SHC4: variants seen among roughly 807,000 people sequenced by gnomAD.
The protein encoded by SHC4 is SHC adaptor protein 4.
A neutral mutation model predicts 69.4 loss-of-function variants in SHC4; 41 were observed. The observed-to-expected ratio is 0.59, with a 90% CI of 0.46 to 0.77. The LOEUF (loss-of-function observed/expected upper bound fraction) is 0.77, where lower values mean the gene tolerates loss of function less well. SHC4 is among the 30% of genes least tolerant of loss of function. SHC4 has a pLI of 0.00. For synonymous variants in SHC4, 318 were observed against 299.3 expected, an observed-to-expected ratio of 1.06 and a Z score of -0.64; for missense variants, 777 against 783.8, an observed-to-expected ratio of 0.99 and a Z score of 0.10.
chr15:48,946,862 C>T (rs1208382612), intron 1 of SHC4, among the ~76,000 whole-genome samples: 1 of 152,130 alleles, frequency 6.6e-6, no homozygotes, highest in Non-Finnish European at 1.5e-5. Flanking sequence ...AAGTGAACAG[C>T]AGATATCTAT....
At chr15:48,930,913 A>T (rs1900952738) in intron 1 of SHC4, among the ~76,000 whole-genome samples, 1 of 152,228 alleles carries the variant, frequency 6.6e-6, no homozygotes. Context: ...CTCAACTCAC[A>T]ATAGTAAAGT....
Position 48,935,628 on chromosome 15 carries a change from A to C in SHC4, c.586-10679T>G, listed in dbSNP as rs116170526. Among the ~76,000 whole-genome samples the C allele has an allele frequency of 4.3e-3, 653 of 152,238 alleles. 7 individuals are homozygous for C. The highest frequency in any genetic ancestry group is 0.015 in the African/African-American group (641 of 41,536). On this transcript the variant is annotated intron_variant, in intron 1 of 11. Coordinates refer to ENST00000332408, the MANE Select transcript of SHC4 (RefSeq NM_203349.4). ...CCTCCTTGTGCCAGGTTTGAGCTGG[A>C]ATGTGGGTCGTGTAAGAAGGGAATG...
At chr15:48,940,663 G>A (rs890185364) in intron 1 of SHC4, among the ~76,000 whole-genome samples, 7 of 152,132 alleles carry the variant, frequency 4.6e-5, no homozygotes, top group Admixed American at 6.5e-5. Context: ...TCTCCCCAGC[G>A]CTCTAGGACT....
At chr15:48,826,385 A>G (rs1383566757) in intron 11 of SHC4, among the ~76,000 whole-genome samples, 1 of 151,746 alleles carries the variant, frequency 6.6e-6, no homozygotes, top group African/African-American at 2.4e-5. Flanking sequence ...AGTAACTGGG[A>G]CTACAGGCAC....
chr15:48,866,908 A>G (rs1036236080), intron 6 of SHC4, among the ~76,000 whole-genome samples: 1 of 152,220 alleles, frequency 6.6e-6, no homozygotes, highest in Non-Finnish European at 1.5e-5. Flanking sequence ...AGCGTTAGGG[A>G]TGAGAAGCAA....
intron 6 of SHC4, among the ~76,000 whole-genome samples, chr15:48,865,219 C>T (rs898280441): frequency 6.6e-6 from 1 of 152,210 alleles, no homozygotes; most frequent in Admixed American, 6.5e-5. Flanking sequence ...GCTGTGTCAT[C>T]ACCTCTTTGC....
At chr15:48,860,527 A>T (rs1432086652) in intron 6 of SHC4, among the ~76,000 whole-genome samples, 1 of 151,966 alleles carries the variant, frequency 6.6e-6, no homozygotes, top group Non-Finnish European at 1.5e-5. Context: ...TAATAATAAT[A>T]AATAAAAATA....
intron 1 of SHC4, among the ~76,000 whole-genome samples, chr15:48,937,170 A>G (rs1466957029): frequency 1.3e-5 from 2 of 152,232 alleles, no homozygotes; most frequent in Non-Finnish European, 2.9e-5. Flanking sequence ...AAAGTATTAT[A>G]TCATTTGAGC....
At chr15:48,872,278 A>T in intron 4 of SHC4, 136 bp from the exon 5 acceptor site, 1 of 523,938 alleles carries the variant, frequency 1.9e-6, no homozygotes. Context: ...CCCAACCTAC[A>T]CTCTATAATA....
intron 2 of SHC4, among the ~76,000 whole-genome samples, chr15:48,897,154 G>A (rs932894664): frequency 6.6e-6 from 1 of 152,108 alleles, no homozygotes; most frequent in Non-Finnish European, 1.5e-5. Flanking sequence ...AAATTTTGGG[G>A]TTTCAGTGGC....
At chr15:48,871,325 G>T (rs1340567813) in intron 5 of SHC4, among the ~76,000 whole-genome samples, 2 of 152,312 alleles carry the variant, frequency 1.3e-5, no homozygotes, top group Admixed American at 6.5e-5. Flanking sequence ...TGGAAGATTA[G>T]AAGAGGAAAG....
In SHC4 at chr15:48,962,823, G is replaced by A. The variant is rs530682782; in HGVS notation, c.193C>T (p.Pro65Ser). The A allele has an allele frequency of 6.2e-6, 10 of 1,612,678 alleles. No individual in the cohort carries two copies. The East Asian group carries it at 6.7e-5, about 11-fold the overall frequency. The change falls in exon 1 of 12, where the codon CCT becomes TCT. Residue 65 changes from proline (P) to serine (S), a missense_variant. Pro to Ser is a moderately conservative substitution (Grantham distance 74). Coordinates refer to ENST00000332408, the MANE Select transcript of SHC4 (RefSeq NM_203349.4). ...SPQPPHPALA[P>S]HLPTEDATLP... ...GTGGCATCTTCAGTCGGCAGGTGAG[G>A]TGCCAGGGCGGGGTGGGGAGGCTGC... is the stretch of plus-strand genomic sequence containing the variant.
intron 5 of SHC4, among the ~76,000 whole-genome samples, chr15:48,870,009 G>A (rs1899637505): frequency 6.6e-6 from 1 of 152,168 alleles, no homozygotes; most frequent in South Asian, 2.1e-4. Flanking sequence ...TAAGATTCTG[G>A]AGAACAATAA....
intron 1 of SHC4, among the ~76,000 whole-genome samples, chr15:48,930,459 AC>A (rs1229861799): frequency 6.6e-6 from 1 of 152,168 alleles, no homozygotes; most frequent in Non-Finnish European, 1.5e-5. Flanking sequence ...AGTTTAAGGC[AC>A]AGGCCCTGCA....
At chr15:48,826,223 G>T in intron 11 of SHC4, 97 bp from the exon 12 acceptor site, 6 of 1,104,992 alleles carry the variant, frequency 5.4e-6, no homozygotes, top group Non-Finnish European at 7.5e-6. Context: ...TATCCCTAAA[G>T]TAGATACTTT....
chr15:48,869,169 T>C (rs2140991616), intron 5 of SHC4, among the ~76,000 whole-genome samples: 1 of 152,344 alleles, frequency 6.6e-6, no homozygotes, highest in African/African-American at 2.4e-5. Flanking sequence ...TGTTTAAATG[T>C]ATTTAATTTT....
At chr15:48,828,180 T>C (rs1022543957) in intron 11 of SHC4, among the ~76,000 whole-genome samples, 1 of 152,106 alleles carries the variant, frequency 6.6e-6, no homozygotes, top group East Asian at 1.9e-4. Context: ...ACTTAACAGA[T>C]TTTTAAGTGT....
intron 9 of SHC4, among the ~76,000 whole-genome samples, chr15:48,847,008 G>A (rs1899106460): frequency 6.7e-6 from 1 of 148,826 alleles, no homozygotes; most frequent in African/African-American, 2.5e-5. Flanking sequence ...AGAAAGAAAG[G>A]AAACTGCCAT....
At chr15:48,856,231 A>G in intron 7 of SHC4, 107 bp from the exon 8 acceptor site, 2 of 1,081,992 alleles carry the variant, frequency 1.8e-6, no homozygotes, top group Admixed American at 2.4e-5. Flanking sequence ...CTTTGCATTC[A>G]TGTTTTCAGT....
Sources: allele counts gnomAD v4.1 joint callset (sites outside exome capture counted in the v4.1 genomes callset), GRCh38; gene constraint gnomAD v4.1.1; transcripts MANE v1.5; gene names NCBI Gene and HGNC (gene_info 2026-07-23, HGNC 2026-07-21).